Variants in DCDC2C observed in about 807,000 individuals in gnomAD.
DCDC2C encodes doublecortin domain containing 2C, also known as doublecortin domain-containing protein 2C.
Under a neutral mutation model 45.0 loss-of-function variants are expected in DCDC2C, and 44 were observed. The ratio of observed to expected loss-of-function variants is 0.98; its 90% CI spans 0.77 to 1.26. DCDC2C has a LOEUF of 1.26. Ranked by LOEUF, DCDC2C falls within the 50% of genes most tolerant of loss-of-function variation. The pLI, the probability that DCDC2C is intolerant of heterozygous loss-of-function variation, is 0.00. For synonymous variants in DCDC2C, 187 were observed against 178.8 expected, an observed-to-expected ratio of 1.05 and a Z score of -0.37; for missense variants, 447 against 468.9, an observed-to-expected ratio of 0.95 and a Z score of 0.43.
intron 10 of DCDC2C, among the ~76,000 whole-genome samples, chr2:3,842,788 T>C (rs926625458): frequency 2.9e-4 from 44 of 152,292 alleles, no homozygotes; most frequent in African/African-American, 1.0e-3. Flanking sequence ...TTTGTCATGC[T>C]GCTGTCCTCA....
At position 3,703,677 on chromosome 2, in the gene DCDC2C, G is replaced by C. The variant is rs1466867639; in HGVS notation, c.-75G>C. 3 of 1,208,222 alleles carry C rather than the reference G, an allele frequency of 2.5e-6. No individual in the cohort carries two copies. In the East Asian group the frequency reaches 1.0e-4, roughly 40 times the overall value. 74.8% of individuals were successfully genotyped at this position (1,208,222 alleles called of 1,614,324 possible). A position where few individuals can be genotyped will look rare whatever the true frequency, so the allele number is the denominator to read the frequency against. On this transcript the variant is annotated 5_prime_UTR_variant, in exon 1 of 11. Transcript: ENST00000399143. This position sits in a 1 kb window ranked among gnomAD's most constrained non-coding sequence, Gnocchi z 4.4. ...TCCCGTCGGCGGTGCCCGGGCCTGGGCGCGGCTCTGCAGGCGTCGCTGCCC... is the reference window on the plus strand; with the variant it reads ...TCCCGTCGGCGGTGCCCGGGCCTGGCCGCGGCTCTGCAGGCGTCGCTGCCC...
intron 10 of DCDC2C, among the ~76,000 whole-genome samples, chr2:3,841,918 A>G (rs1271934236): frequency 6.6e-6 from 1 of 151,628 alleles, no homozygotes; most frequent in Middle Eastern, 3.2e-3. Context: ...GTATGTGTCC[A>G]TTTTTTCCAT....
At chr2:3,741,291 C>T (rs1166981507) in intron 3 of DCDC2C, among the ~76,000 whole-genome samples, 1 of 152,180 alleles carries the variant, frequency 6.6e-6, no homozygotes, top group African/African-American at 2.4e-5. Context: ...GGGAAAACAG[C>T]TACATTATTT....
chr2:3,817,444 G>A (rs1478440011), intron 10 of DCDC2C, among the ~76,000 whole-genome samples: 1 of 152,236 alleles, frequency 6.6e-6, no homozygotes, highest in African/African-American at 2.4e-5. Context: ...AAGGCAATGA[G>A]TTTGGCTTGC....
chr2:3,813,061 ATATATATTTTTTTTT>A (rs1469222005), intron 10 of DCDC2C, among the ~76,000 whole-genome samples: 9 of 28,698 alleles, frequency 3.1e-4, no homozygotes, highest in Admixed American at 1.1e-3. Context: ...ATATATATAT[ATATATATTTTTTTTT>A]TTTTGCTGTT....
intron 6 of DCDC2C, among the ~76,000 whole-genome samples, chr2:3,762,908 C>G (rs1382690024): frequency 6.6e-6 from 1 of 152,054 alleles, no homozygotes; most frequent in Non-Finnish European, 1.5e-5. Flanking sequence ...AGCTGGGGAA[C>G]AGCAAGCGTG....
At chr2:3,724,513 G>A (rs530194019) in intron 2 of DCDC2C, among the ~76,000 whole-genome samples, 34 of 152,318 alleles carry the variant, frequency 2.2e-4, no homozygotes, top group Non-Finnish European at 4.0e-4. Context: ...AATGAGGTAT[G>A]CAGCTCCTTC....
At chr2:3,841,860 C>G (rs1398591132) in intron 10 of DCDC2C, among the ~76,000 whole-genome samples, 2 of 151,398 alleles carry the variant, frequency 1.3e-5, no homozygotes, top group Non-Finnish European at 2.9e-5. Flanking sequence ...ATAACCCCCG[C>G]TTTTTTTTTC....
In DCDC2C at chr2:3,803,077, G is replaced by T. The variant is rs142927278; in HGVS notation, c.1065+17977G>T. ...TTCCATGTGAAGATGTCTTTCAGTT[G>T]CTTTTCCATGCCAATAGTTGATATA... is the stretch of plus-strand genomic sequence containing the variant. On this transcript the variant is annotated intron_variant, in intron 10 of 10. Coordinates refer to ENST00000399143, the MANE Select transcript of DCDC2C (RefSeq NM_001287444.2). Among the ~76,000 whole-genome samples the T allele has an allele frequency of 3.0e-4, 45 of 152,270 alleles. No homozygotes were observed. The East Asian group carries it at 6.9e-3, about 23-fold the overall frequency.
chr2:3,706,199 T>C lies in DCDC2C; in HGVS notation c.287+2161T>C, dbSNP rs961256106. Among the ~76,000 whole-genome samples, 6 of 152,358 alleles carry C rather than the reference T, an allele frequency of 3.9e-5. No homozygotes were observed. The East Asian group carries it at 1.2e-3, about 29-fold the overall frequency. ...TTTTCACTGGAAAATAATATTCTAA[T>C]TGTGTCACCAGCAAATGAACTTTGA... On this transcript the variant is annotated intron_variant, in intron 1 of 10. Transcript: ENST00000399143.
chr2:3,732,323 C>T (rs1236255989), intron 3 of DCDC2C, among the ~76,000 whole-genome samples: 2 of 151,926 alleles, frequency 1.3e-5, no homozygotes, highest in East Asian at 1.9e-4. Flanking sequence ...TTGGGACAGT[C>T]GTCTGCCTCT....
intron 10 of DCDC2C, among the ~76,000 whole-genome samples, chr2:3,833,247 T>C (rs1214823348): frequency 1.3e-5 from 2 of 152,236 alleles, no homozygotes; most frequent in Non-Finnish European, 2.9e-5. Context: ...GCCCTCTTTA[T>C]TAGCAGCCTT....
intron 1 of DCDC2C, among the ~76,000 whole-genome samples, chr2:3,708,322 C>A (rs1242786584): frequency 6.6e-6 from 1 of 152,128 alleles, no homozygotes; most frequent in Non-Finnish European, 1.5e-5. Context: ...TTAAGAGACA[C>A]TTTCAAGGGG....
In DCDC2C at chr2:3,777,976, CCGCA is replaced by C. The variant is rs1484563635; in HGVS notation, c.955-839_955-836del. On this transcript the variant is annotated intron_variant, in intron 8 of 10. Coordinates refer to ENST00000399143, the MANE Select transcript of DCDC2C (RefSeq NM_001287444.2). ...AAGAGCCAGTGTGTGATTTCCCACA[CCGCA>C]TCTTCTCTTCCTTTGCAGTCAGGAA... 4.6e-5 allele frequency among the ~76,000 whole-genome samples: 7 copies of C among 152,130 alleles called. No individual in the cohort carries two copies. In the South Asian group the frequency reaches 1.5e-3, roughly 32 times the overall value.
At chr2:3,802,407 C>G (rs1332005686) in intron 10 of DCDC2C, among the ~76,000 whole-genome samples, 2 of 152,092 alleles carry the variant, frequency 1.3e-5, no homozygotes, top group African/African-American at 4.8e-5. Flanking sequence ...TTCTTTCAGC[C>G]CTGGAGGTAA....
intron 8 of DCDC2C, among the ~76,000 whole-genome samples, chr2:3,773,425 G>GA (rs1430430967): frequency 6.6e-6 from 1 of 152,098 alleles, no homozygotes; most frequent in African/African-American, 2.4e-5. Context: ...GATGCGCGGG[G>GA]GTGCATGGCC....
chr2:3,762,162 CTTT>C (rs56067833), intron 6 of DCDC2C, among the ~76,000 whole-genome samples: 18 of 127,652 alleles, frequency 1.4e-4, no homozygotes, highest in South Asian at 2.9e-4. Flanking sequence ...TTGCTTGAAC[CTTT>C]TTTTTTTTTT....
chr2:3,812,865 C>A (rs1446561437), intron 10 of DCDC2C, among the ~76,000 whole-genome samples: 3 of 151,866 alleles, frequency 2.0e-5, no homozygotes, highest in Non-Finnish European at 2.9e-5. Context: ...GCAGGTTGTT[C>A]AATTTCCATG....
At chr2:3,810,993 T>C (rs1358225027) in intron 10 of DCDC2C, among the ~76,000 whole-genome samples, 1 of 152,160 alleles carries the variant, frequency 6.6e-6, no homozygotes, top group Admixed American at 6.5e-5. Context: ...CCTTGTAGTA[T>C]AGTTTGAAGT....
Sources: allele counts gnomAD v4.1 joint callset (sites outside exome capture counted in the v4.1 genomes callset), GRCh38; gene constraint gnomAD v4.1.1; non-coding constraint Gnocchi (gnomAD v3.1); transcripts MANE v1.5; gene names NCBI Gene and HGNC (gene_info 2026-07-23, HGNC 2026-07-21).